STAB2: variants seen among roughly 807,000 people sequenced by gnomAD.
STAB2 encodes the protein stabilin-2.
Under a neutral mutation model 338.1 loss-of-function variants are expected in STAB2, and 288 were observed. That is an observed-to-expected ratio of 0.85 (90% CI 0.77 to 0.94). The LOEUF (loss-of-function observed/expected upper bound fraction) is 0.94. Ranked by LOEUF, STAB2 falls within the 40% of genes least tolerant of loss-of-function variation. STAB2 has a pLI of 0.00. For missense variants in STAB2, 3,141 were observed against 3,210.1 expected (o/e 0.98, Z 0.52); for synonymous variants, 1,202 against 1,193.3 (o/e 1.01, Z -0.15).
At chr12:103,618,418 A>C (rs538715577) in intron 3 of STAB2, among the ~76,000 whole-genome samples, 2 of 152,338 alleles carry the variant, frequency 1.3e-5, no homozygotes, top group South Asian at 4.1e-4. Flanking sequence ...TGTGAGAAAT[A>C]AACTTCTGTT....
chr12:103,618,932 G>A (rs1404283605), intron 3 of STAB2, among the ~76,000 whole-genome samples: 7 of 152,176 alleles, frequency 4.6e-5, no homozygotes, highest in Admixed American at 3.9e-4. Flanking sequence ...CTGTTCTCAT[G>A]ATTGTGAATA....
chr12:103,755,427 C>A lies in STAB2; in HGVS notation c.6840C>A (p.Asn2280Lys). The change falls in exon 62 of 69, where the codon AAC (asparagine) becomes AAA (lysine). Residue 2280 changes from asparagine (N) to lysine (K), a missense_variant. Coordinates refer to ENST00000388887, the MANE Select transcript of STAB2 (RefSeq NM_017564.10). ...TAGTGGACTATGGACCTAGACCCAA[C>A]AAGAGTGAAATGTGGGATGTCTTCT... The part of the protein sequence containing the change: ...VGIVDYGPRP[N>K]KSEMWDVFCY... 6.2e-6 allele frequency: 10 copies of A among 1,614,132 alleles called. No homozygotes were observed. The highest frequency in any genetic ancestry group is 8.5e-6 in the Non-Finnish European group (10 of 1,180,018).
chr12:103,677,757 A>G (rs1876523626), intron 25 of STAB2, 146 bp downstream of exon 25: 1 of 959,676 alleles, frequency 1.0e-6, no homozygotes, highest in African/African-American at 1.6e-5. Context: ...CATTGCCACA[A>G]CAAACCTATG....
Position 103,692,828 on chromosome 12 carries a change from G to T in STAB2, c.3314G>T (p.Gly1105Val). 6.2e-7 allele frequency: 1 copy of T among 1,613,492 alleles called. No individual in the cohort carries two copies. Among genetic ancestry groups the T allele is most frequent in the Admixed American group, 1.7e-5 (1 of 59,992 alleles). Residue 1105 changes from glycine to valine, a missense_variant, in exon 31 of 69, where the codon GGG (glycine) becomes GTG (valine). Gly to Val is a moderately radical substitution (Grantham distance 109). Transcript: ENST00000388887. The part of the protein sequence containing the change: ...AKVDGNITIE[G>V]ASIVDGDNAA... ...CATTTACAGAATATCACAATTGAAG[G>T]GGCCTCCATTGTCGATGGGGACAAC...
chr12:103,705,850 G>A (rs1879302566), intron 37 of STAB2, 123 bp downstream of exon 37: 1 of 864,404 alleles, frequency 1.2e-6, no homozygotes, highest in Non-Finnish European at 1.9e-6. Flanking sequence ...CTTGTTACCT[G>A]CATTATCATT....
At chr12:103,739,565 GTGTGT>G (rs1882416800) in intron 54 of STAB2, 97 bp downstream of exon 54, 3 of 883,624 alleles carry the variant, frequency 3.4e-6, no homozygotes, top group East Asian at 3.0e-5. Flanking sequence ...GTGTGTGTGT[GTGTGT>G]GTGCCCGTGC....
chr12:103,733,741 GCATGATCATATAGGAACATA>G (rs1881834529), intron 51 of STAB2, among the ~76,000 whole-genome samples: 1 of 151,910 alleles, frequency 6.6e-6, no homozygotes, highest in Non-Finnish European at 1.5e-5. Context: ...ATAGGAATAA[GCATGATCATATAGGAACATA>G]CATGATCATA....
chr12:103,717,641 A>G lies in STAB2; in HGVS notation c.4612-129A>G, dbSNP rs180984203. 161 of 712,812 alleles carry G rather than the reference A, an allele frequency of 2.3e-4. 1 individual carries two copies. Among genetic ancestry groups the G allele is most frequent in the Admixed American group, 1.5e-3 (64 of 43,796 alleles). The allele number at this position is 712,812 out of a possible 1,614,324, so 44.2% of individuals were successfully genotyped here. A position where few individuals can be genotyped will look rare whatever the true frequency, so the allele number is the denominator to read the frequency against. On this transcript the variant is annotated intron_variant, in intron 43 of 68. Coordinates refer to ENST00000388887, the MANE Select transcript of STAB2 (RefSeq NM_017564.10). ...CAATTATCATTATAAAATAGATATT[A>G]CCAACGTCAAATAGAGACTCTCCTA...
rs539023868 is a variant in STAB2 at position 103,727,252 on chromosome 12, C to T, written c.4852-15C>T. ...TTAAGTGAGTGATGTGTGAGCCTCA[C>T]CTTTCTTCCCACAGGAGCATTTCGT... On this transcript the variant is annotated splice_polypyrimidine_tract_variant and intron_variant, in intron 46 of 68. Coordinates refer to ENST00000388887, the MANE Select transcript of STAB2 (RefSeq NM_017564.10). 1.6e-4 allele frequency: 265 copies of T among 1,614,144 alleles called. 4 individuals are homozygous for T. The South Asian group carries it at 2.7e-3, about 16-fold the overall frequency.
At chr12:103,670,570 C>A in intron 21 of STAB2, 126 bp from the exon 22 acceptor site, 1 of 733,116 alleles carries the variant, frequency 1.4e-6, no homozygotes, top group Non-Finnish European at 2.3e-6. Context: ...CTCCACTTTC[C>A]ACGAGGAGTC....
intron 31 of STAB2, among the ~76,000 whole-genome samples, chr12:103,694,656 G>A (rs1005991489): frequency 1.3e-5 from 2 of 152,092 alleles, no homozygotes; most frequent in Non-Finnish European, 2.9e-5. Context: ...ATTTAGGGCA[G>A]AACCCAGACC....
At chr12:103,724,657 T>G (rs1444152763) in intron 44 of STAB2, among the ~76,000 whole-genome samples, 1 of 152,166 alleles carries the variant, frequency 6.6e-6, no homozygotes, top group Non-Finnish European at 1.5e-5. Flanking sequence ...CTGGGAAGTA[T>G]CAAACAGGTG....
At chr12:103,610,561 A>G (rs1957106363) in intron 3 of STAB2, among the ~76,000 whole-genome samples, 1 of 151,792 alleles carries the variant, frequency 6.6e-6, no homozygotes. Context: ...TATTGCATCT[A>G]TTTGATTCTT....
intron 6 of STAB2, among the ~76,000 whole-genome samples, chr12:103,634,514 C>A (rs1957513418): frequency 6.6e-6 from 1 of 152,180 alleles, no homozygotes; most frequent in Non-Finnish European, 1.5e-5. Flanking sequence ...ATATCTTATA[C>A]GTAGGTCAAT....
chr12:103,654,279 G>A (rs1432926097), intron 12 of STAB2, among the ~76,000 whole-genome samples: 1 of 152,208 alleles, frequency 6.6e-6, no homozygotes, highest in Non-Finnish European at 1.5e-5. Flanking sequence ...TATGAAGCTT[G>A]CAGTCTGCTG....
At position 103,733,024 on chromosome 12, in the gene STAB2, G is replaced by A; in HGVS notation, c.5302G>A (p.Val1768Ile). ...NLIQDSGLLSVITDPIHTPVT... is the reference protein window; with the variant it reads ...NLIQDSGLLSIITDPIHTPVT... ...GTTTCAGGACTCAGGTTTGCTGAGT[G>A]TCATCACCGATCCCATCCACACCCC... Residue 1768 changes from valine to isoleucine, a missense_variant, in exon 51 of 69, where the codon GTC (valine) becomes ATC (isoleucine). Physicochemically the swap from Val to Ile is conservative, Grantham distance 29 (BLOSUM62 3). Transcript: ENST00000388887. The A allele has an allele frequency of 6.2e-7, 1 of 1,613,874 alleles. No homozygotes were observed. Among genetic ancestry groups the A allele is most frequent in the Non-Finnish European group, 8.5e-7 (1 of 1,179,922 alleles).
chr12:103,740,565 C>T (rs1400105552), intron 54 of STAB2, 65 bp from the exon 55 acceptor site: 9 of 1,570,074 alleles, frequency 5.7e-6, no homozygotes, highest in East Asian at 2.3e-5. Context: ...AGGGCACAGA[C>T]TAGAGCCCCA....
In STAB2 at chr12:103,590,944, C is replaced by T; in HGVS notation, c.129C>T (p.Cys43=). The change falls in exon 2 of 69, where the codon TGC becomes TGT. Residue 43 remains cysteine (C), a synonymous_variant. Coordinates refer to ENST00000388887, the MANE Select transcript of STAB2 (RefSeq NM_017564.10). The part of the protein sequence containing the change: ...RKSLLTIRTE[C]RSCALNLGVK... ...CTCTTCTTACAATTAGGACCGAGTG[C>T]CGATCCTGCGCTCTCAACCTTGGAG... The T allele has an allele frequency of 3.7e-6, 6 of 1,614,038 alleles. No individual in the cohort carries two copies. Among genetic ancestry groups the T allele is most frequent in the South Asian group, 1.1e-5 (1 of 91,072 alleles).
chr12:103,665,207 G>T (rs1236970415), intron 18 of STAB2, among the ~76,000 whole-genome samples: 2 of 152,208 alleles, frequency 1.3e-5, no homozygotes, highest in Admixed American at 1.3e-4. Flanking sequence ...GCATTCTCTG[G>T]AAAGTATTTA....
Sources: gnomAD v4.1 joint callset for allele counts (sites outside exome capture counted in the v4.1 genomes callset) on GRCh38, gnomAD v4.1.1 for gene constraint, MANE v1.5 for transcripts, NCBI Gene and HGNC (gene_info 2026-07-23, HGNC 2026-07-21) for gene names.